The following GUSB variants were observed in gnomAD, a reference collection of about 807,000 sequenced individuals.
GUSB encodes glucuronidase beta, also known as beta-glucuronidase.
Under a neutral mutation model 74.6 loss-of-function variants are expected in GUSB, and 51 were observed. That is an observed-to-expected ratio of 0.68 (90% CI 0.55 to 0.86). GUSB has a LOEUF of 0.86. Among genes scored for constraint, GUSB ranks in the 40% least tolerant of loss-of-function variants. The pLI is 0.00. For synonymous variants in GUSB, 360 were observed against 348.3 expected, an observed-to-expected ratio of 1.03 and a Z score of -0.37; for missense variants, 736 against 853.7, an observed-to-expected ratio of 0.86 and a Z score of 1.72.
intron 10 of GUSB, among the ~76,000 whole-genome samples, chr7:65,965,379 AAC>A (rs1790767219): frequency 1.3e-5 from 2 of 152,278 alleles, no homozygotes; most frequent in South Asian, 2.1e-4. Flanking sequence ...CAGCCTGGGC[AAC>A]AGAGTGAGGC....
chr7:65,964,461 A>G lies in GUSB; in HGVS notation c.1654-3T>C, dbSNP rs763536228. The G allele has an allele frequency of 3.1e-6, 5 of 1,610,372 alleles. No homozygotes were observed. In the Admixed American group the frequency reaches 8.3e-5, roughly 27 times the overall value. On this transcript the variant is annotated splice_polypyrimidine_tract_variant and splice_region_variant and intron_variant, in intron 10 of 11. Transcript: ENST00000304895. The stretch of plus-strand genomic sequence containing the variant: ...TCAGTGAACATCAGAGGTGGATCCT[A>G]GGATTCAAGGCAAAGAGAATGTAAG...
At chr7:65,979,377 G>GAA in intron 4 of GUSB, 22 bp downstream of exon 4, 1 of 1,611,608 alleles carries the variant, frequency 6.2e-7, no homozygotes, top group Non-Finnish European at 8.5e-7. Flanking sequence ...CCCGCTGAGA[G>GAA]GATCCTACCA....
chr7:65,973,588 A>T (rs1395828900), intron 8 of GUSB, among the ~76,000 whole-genome samples: 4 of 151,592 alleles, frequency 2.6e-5, no homozygotes, highest in Non-Finnish European at 4.4e-5. Flanking sequence ...TCCATCTCAT[A>T]AAAAGGAAAA....
In GUSB at chr7:65,981,976, C is replaced by A; in HGVS notation, c.208G>T (p.Glu70Ter). Residue 70 changes from glutamate (E) to a stop codon, truncating the protein, a stop_gained and splice_region_variant, in exon 1 of 12, where the codon GAG becomes TAG. Coordinates refer to ENST00000304895, the MANE Select transcript of GUSB (RefSeq NM_000181.4). LOFTEE classifies it high-confidence loss of function. ...CCGGCCCTGCCCCGAGATCGCACCT[C>A]CCACAGCGGCCGCCGGTACCACTGC... ...EEQWYRRPLW[E>*]SGPTVDMPVP... 6.2e-7 allele frequency: 1 copy of A among 1,606,558 alleles called. No individual in the cohort carries two copies. The highest frequency in any genetic ancestry group is 1.7e-5 in the Admixed American group (1 of 59,862).
chr7:65,965,989 G>A (rs1348859644), intron 10 of GUSB, among the ~76,000 whole-genome samples: 1 of 151,960 alleles, frequency 6.6e-6, no homozygotes, highest in Non-Finnish European at 1.5e-5. Context: ...TGACCAACAT[G>A]GTGAAACCTC....
In GUSB at chr7:65,976,022, G is replaced by T. The variant is rs776736558; in HGVS notation, c.905C>A (p.Ser302Ter). 1.9e-6 allele frequency: 3 copies of T among 1,613,526 alleles called. No individual in the cohort carries two copies. The highest frequency in any genetic ancestry group is 2.5e-6 in the Non-Finnish European group (3 of 1,179,884). ...LMHERPAYLY[S>*]LEVQLTAQTS... The stretch of plus-strand genomic sequence containing the variant: ...GTCCCAAACCACCATTACCTCCAAT[G>T]AATACAGATAGGCAGGGCGTTCGTG... The change falls in exon 5 of 12, where the codon TCA becomes TAA. Residue 302 changes from serine to a stop codon, truncating the protein, a stop_gained. Coordinates refer to ENST00000304895, the MANE Select transcript of GUSB (RefSeq NM_000181.4). LOFTEE classifies it high-confidence loss of function.
In GUSB at chr7:65,976,760, C is replaced by T. The variant is rs144103641; in HGVS notation, c.725-558G>A. 2.0e-5 allele frequency among the ~76,000 whole-genome samples: 3 copies of T among 151,980 alleles called. No individual in the cohort carries two copies. The East Asian group carries it at 5.9e-4, about 30-fold the overall frequency. On this transcript the variant is annotated intron_variant, in intron 4 of 11. Coordinates refer to ENST00000304895, the MANE Select transcript of GUSB (RefSeq NM_000181.4). ...CAGCCTGGGTAACATAGGGAAACCA[C>T]TTCTTCCCTAAAAATACAAACAATC...
rs758263587 is a variant in GUSB at position 65,976,099 on chromosome 7, G to A, written c.828C>T (p.Thr276=). The change falls in exon 5 of 12, where the codon ACC becomes ACT. Residue 276 remains threonine, a synonymous_variant. Coordinates refer to ENST00000304895, the MANE Select transcript of GUSB (RefSeq NM_000181.4). ...CACCTGGCACCTTAAGTTGGCCCTG[G>A]GTCCCAGTCCCATTCGCCACGACTT... ...ENKVVANGTG[T]QGQLKVPGVS... 16 of 1,613,784 alleles carry A rather than the reference G, an allele frequency of 9.9e-6. No homozygotes were observed. The African/African-American group carries it at 2.1e-4, about 22-fold the overall frequency.
Position 65,976,047 on chromosome 7 carries a change from G to A in GUSB, c.880C>T (p.His294Tyr). ...GAATACAGATAGGCAGGGCGTTCGT[G>A]CATCAGGTACGGCCACCAGAGGCTG... ...GVSLWWPYLMHERPAYLYSLE... is the reference protein window; with the variant it reads ...GVSLWWPYLMYERPAYLYSLE... Residue 294 changes from histidine to tyrosine, a missense_variant, in exon 5 of 12, where the codon CAC becomes TAC. By Grantham distance (83) the His-to-Tyr change is moderately conservative. Around this residue, in one of 2 missense-constraint regions of GUSB, gnomAD observed 368 missense variants for 489.9 expected, o/e 0.75. Transcript: ENST00000304895. The A allele has an allele frequency of 6.2e-7, 1 of 1,613,776 alleles. No homozygotes were observed. Among genetic ancestry groups the A allele is most frequent in the East Asian group, 2.2e-5 (1 of 44,882 alleles).
At position 65,982,192 on chromosome 7, in the gene GUSB, G is replaced by T; in HGVS notation, c.-9C>A. 1 of 1,503,482 alleles carries T rather than the reference G, an allele frequency of 6.7e-7. No homozygotes were observed. 93.1% of individuals were successfully genotyped at this position (1,503,482 alleles called of 1,614,324 possible). On this transcript the variant is annotated 5_prime_UTR_variant, in exon 1 of 12. Coordinates refer to ENST00000304895, the MANE Select transcript of GUSB (RefSeq NM_000181.4). Reference sequence around the variant, plus strand: ...GCCGACCCCCGGGCCATGCTTCCCGGTCCCCCGCTCGGCCACCGTCTGCGG... The same window carrying T: ...GCCGACCCCCGGGCCATGCTTCCCGTTCCCCCGCTCGGCCACCGTCTGCGG...
chr7:65,966,288 G>A (rs745513129), intron 10 of GUSB, among the ~76,000 whole-genome samples: 2 of 152,130 alleles, frequency 1.3e-5, no homozygotes, highest in East Asian at 1.9e-4. Context: ...CTGTAAGCAC[G>A]ATAAATTTAA....
rs936415875 is a variant in GUSB, at chr7:65,964,081, C to T, written c.1789+242G>A. 9 of 534,258 alleles carry T rather than the reference C, an allele frequency of 1.7e-5. No homozygotes were observed. The African/African-American group carries it at 1.7e-4, about 10-fold the overall frequency. The allele number at this position is 534,258 out of a possible 1,614,324, so 33.1% of individuals were successfully genotyped here. ...AAAGGCAAGCCAGCCATTTCCGATT[C>T]ACTATAGCTGACTCTCCTGTTTGCT... On this transcript the variant is annotated intron_variant, in intron 11 of 11. Transcript: ENST00000304895.
In GUSB at chr7:65,980,429, G is replaced by A. The variant is rs568097786; in HGVS notation, c.211-20C>T. ...GCCTGACTGTGGAGAGAAGAGCCGG[G>A]CTCAGCTCCTAGGCCCCCAAAAGGG... On this transcript the variant is annotated intron_variant, in intron 1 of 11. Coordinates refer to ENST00000304895, the MANE Select transcript of GUSB (RefSeq NM_000181.4). 6.2e-7 allele frequency: 1 copy of A among 1,608,690 alleles called. No homozygotes were observed. The highest frequency in any genetic ancestry group is 8.5e-7 in the Non-Finnish European group (1 of 1,177,436).
chr7:65,971,532 G>A (rs1791210388), intron 8 of GUSB, among the ~76,000 whole-genome samples: 1 of 152,134 alleles, frequency 6.6e-6, no homozygotes, highest in Non-Finnish European at 1.5e-5. Flanking sequence ...TTTGAGACCA[G>A]CCTGGTCAAC....
chr7:65,960,812 AAC>A lies in GUSB; in HGVS notation c.*83_*84del, dbSNP rs1790432327. On this transcript the variant is annotated 3_prime_UTR_variant, in exon 12 of 12. Coordinates refer to ENST00000304895, the MANE Select transcript of GUSB (RefSeq NM_000181.4). ...GCCAGAAACGTTCTGGTCTGCCGTGAACAGTCCAGGAGGCACTTGTTCTGCTG... is the reference window on the plus strand; with the variant it reads ...GCCAGAAACGTTCTGGTCTGCCGTGAAGTCCAGGAGGCACTTGTTCTGCTG... 1.8e-6 allele frequency: 2 copies of A among 1,119,408 alleles called. No homozygotes were observed. The highest frequency in any genetic ancestry group is 3.0e-5 in the African/African-American group (2 of 65,798). 69.3% of individuals were successfully genotyped at this position (1,119,408 alleles called of 1,614,324 possible).
chr7:65,972,323 C>T lies in GUSB; in HGVS notation c.1392-1957G>A, dbSNP rs141715399. 1.9e-3 allele frequency among the ~76,000 whole-genome samples: 290 copies of T among 152,036 alleles called. 3 individuals are homozygous for T. The highest frequency in any genetic ancestry group is 6.7e-3 in the African/African-American group (278 of 41,500). ...ATTACAGACGCCCACCTCTGTGTTC[C>T]GCTAATTGTTTTATTTTTAGTAGAG... is the stretch of plus-strand genomic sequence containing the variant. On this transcript the variant is annotated intron_variant, in intron 8 of 11. Transcript: ENST00000304895.
rs759717194 is a variant in GUSB, at chr7:65,975,080, G to A, written c.913-9C>T. The A allele has an allele frequency of 6.2e-7, 1 of 1,612,698 alleles. No homozygotes were observed. On this transcript the variant is annotated splice_polypyrimidine_tract_variant and intron_variant, in intron 5 of 11. Coordinates refer to ENST00000304895, the MANE Select transcript of GUSB (RefSeq NM_000181.4). ...TGTGCAGTCAGCTGCACCTATGACA[G>A]CCAAAGCACCAGGTGTGAGCACCCC...
intron 2 of GUSB, 55 bp from the exon 3 acceptor site, chr7:65,979,966 C>G: frequency 7.0e-7 from 1 of 1,431,414 alleles, no homozygotes; most frequent in Non-Finnish European, 9.5e-7. Context: ...TGAGGAGGCG[C>G]CCTACTATCG....
intron 10 of GUSB, among the ~76,000 whole-genome samples, chr7:65,965,088 TATAA>T (rs1583891971): frequency 6.6e-6 from 1 of 150,492 alleles, no homozygotes; most frequent in Middle Eastern, 3.5e-3. Context: ...TATATATATA[TATAA>T]AAATTAAATT....
Sources: allele counts gnomAD v4.1 joint callset (sites outside exome capture counted in the v4.1 genomes callset), GRCh38; gene constraint gnomAD v4.1.1; regional missense constraint gnomAD v4.1.1; transcripts MANE v1.5; gene names NCBI Gene and HGNC (gene_info 2026-07-23, HGNC 2026-07-21).